ERC1: variants seen among roughly 807,000 people sequenced by gnomAD.
The protein encoded by ERC1 is ELKS/RAB6-interacting/CAST family member 1, also known as RAB6 interacting protein 2.
Under a neutral mutation model 132.0 loss-of-function variants are expected in ERC1, and 56 were observed. The observed-to-expected ratio is 0.42, with a 90% CI of 0.34 to 0.53. The LOEUF (loss-of-function observed/expected upper bound fraction) is 0.53. ERC1 is among the 20% of genes least tolerant of loss of function. The pLI is 0.03. For synonymous variants in ERC1, 478 were observed against 476.1 expected, an observed-to-expected ratio of 1.00 and a Z score of -0.05; for missense variants, 1,202 against 1,349.9, an observed-to-expected ratio of 0.89 and a Z score of 1.72.
At chr12:1,281,663 CA>C (rs1214514671) in intron 14 of ERC1, among the ~76,000 whole-genome samples, 1 of 152,052 alleles carries the variant, frequency 6.6e-6, no homozygotes, top group Non-Finnish European at 1.5e-5. Flanking sequence ...CTGAAATAAG[CA>C]AATCTTGGGA....
At chr12:1,192,668 AG>A (rs1955852660) in intron 12 of ERC1, among the ~76,000 whole-genome samples, 1 of 152,128 alleles carries the variant, frequency 6.6e-6, no homozygotes, top group Non-Finnish European at 1.5e-5. Flanking sequence ...CTGTACCATC[AG>A]GGGGTTTTGT....
intron 2 of ERC1, among the ~76,000 whole-genome samples, chr12:1,030,183 T>C (rs902957247): frequency 6.6e-6 from 1 of 152,216 alleles, no homozygotes; most frequent in African/African-American, 2.4e-5. Context: ...AAAGCTGTCT[T>C]ATACTCTTAA....
intron 1 of ERC1, among the ~76,000 whole-genome samples, chr12:1,024,109 G>A (rs926626873): frequency 6.6e-6 from 1 of 152,188 alleles, no homozygotes; most frequent in African/African-American, 2.4e-5. Flanking sequence ...AGCTGGGCAC[G>A]GTGGCTCACG....
At chr12:1,259,520 CTT>C (rs201786277) in intron 13 of ERC1, among the ~76,000 whole-genome samples, 1 of 113,906 alleles carries the variant, frequency 8.8e-6, no homozygotes. Context: ...TTCTTTCTTT[CTT>C]TTTTTTTTTT....
At chr12:1,372,062 G>A in intron 16 of ERC1, 85 bp downstream of exon 16, 1 of 1,478,330 alleles carries the variant, frequency 6.8e-7, no homozygotes, top group Non-Finnish European at 9.1e-7. Flanking sequence ...TGTACTTTAA[G>A]GTCTCATGTT....
Position 1,289,926 on chromosome 12 carries a change from C to G in ERC1, c.2694C>G (p.Thr898=). 1.2e-6 allele frequency: 2 copies of G among 1,613,926 alleles called. No individual in the cohort carries two copies. The highest frequency in any genetic ancestry group is 1.7e-6 in the Non-Finnish European group (2 of 1,179,814). The change falls in exon 15 of 19, where the codon ACC becomes ACG. Residue 898 remains threonine, a synonymous_variant. Transcript: ENST00000360905. ...LESMKAKLSS[T]QQSLAEKETH... is the part of the protein sequence containing the mutation. ...CCATGAAAGCAAAGCTGTCCTCCACCCAGCAGTCTCTGGCAGAAAAGGAAA... is the reference window on the plus strand; with the variant it reads ...CCATGAAAGCAAAGCTGTCCTCCACGCAGCAGTCTCTGGCAGAAAAGGAAA...
intron 13 of ERC1, among the ~76,000 whole-genome samples, chr12:1,255,587 TCCACAACC>T (rs1431600942): frequency 2.7e-5 from 4 of 148,444 alleles, no homozygotes. Flanking sequence ...TTCCTGTTTT[TCCACAACC>T]TCTTCAGCAT....
chr12:1,293,453 A>AAAAAACAAC (rs2079634740), intron 15 of ERC1, among the ~76,000 whole-genome samples: 1 of 101,356 alleles, frequency 9.9e-6, no homozygotes, highest in African/African-American at 3.8e-5. Context: ...ACTCCATCTC[A>AAAAAACAAC]AACAACAACA....
At chr12:1,474,118 G>A (rs1046475624) in intron 18 of ERC1, among the ~76,000 whole-genome samples, 6 of 152,200 alleles carry the variant, frequency 3.9e-5, no homozygotes, top group African/African-American at 1.4e-4. Context: ...GCCAGACCTG[G>A]CCAGGACGAG....
intron 17 of ERC1, among the ~76,000 whole-genome samples, chr12:1,410,615 G>T (rs1314507505): frequency 2.0e-5 from 3 of 146,926 alleles, no homozygotes; most frequent in Non-Finnish European, 3.0e-5. Flanking sequence ...TTGCTGTGCT[G>T]CTGACATAGT....
chr12:1,143,929 T>G (rs1950097017), intron 8 of ERC1, among the ~76,000 whole-genome samples: 1 of 152,204 alleles, frequency 6.6e-6, no homozygotes, highest in South Asian at 2.1e-4. Context: ...AGTTTTGTAC[T>G]TAGTCATCAT....
chr12:1,240,447 G>C (rs2075717868), intron 13 of ERC1, among the ~76,000 whole-genome samples: 1 of 152,154 alleles, frequency 6.6e-6, no homozygotes, highest in Non-Finnish European at 1.5e-5. Flanking sequence ...TGAGTCTTAA[G>C]ACAGATAAGA....
chr12:1,067,014 C>T lies in ERC1; in HGVS notation c.670-16150C>T, dbSNP rs528753408. On this transcript the variant is annotated intron_variant, in intron 2 of 18. Transcript: ENST00000360905. Reference sequence around the variant, plus strand: ...ATAGAGACGGGGTTTTGCCATGTTGCGCAGACTGGTCTCGAACTCTTGGGC... The same window carrying T: ...ATAGAGACGGGGTTTTGCCATGTTGTGCAGACTGGTCTCGAACTCTTGGGC... Among the ~76,000 whole-genome samples the T allele has an allele frequency of 6.9e-4, 105 of 152,138 alleles. 5 individuals carry two copies. The South Asian group carries it at 0.021, about 30-fold the overall frequency.
intron 12 of ERC1, among the ~76,000 whole-genome samples, chr12:1,198,991 T>C: frequency 7.7e-5 from 8 of 104,112 alleles, no homozygotes; most frequent in African/African-American, 3.7e-4. Flanking sequence ...ACCCAGTCAC[T>C]TCCCACCAGG....
chr12:1,179,640 T>C (rs1954166199), intron 8 of ERC1, among the ~76,000 whole-genome samples: 1 of 150,766 alleles, frequency 6.6e-6, no homozygotes, highest in Non-Finnish European at 1.5e-5. Flanking sequence ...CCCAAGTAGC[T>C]GGGACTACAG....
chr12:1,172,143 C>T (rs567116504), intron 8 of ERC1, among the ~76,000 whole-genome samples: 4 of 152,274 alleles, frequency 2.6e-5, no homozygotes, highest in South Asian at 4.1e-4. Context: ...TAAGGAATAA[C>T]GTCGTCTTTC....
At chr12:1,175,494 T>A (rs1862820385) in intron 8 of ERC1, among the ~76,000 whole-genome samples, 1 of 150,010 alleles carries the variant, frequency 6.7e-6, no homozygotes, top group Non-Finnish European at 1.5e-5. Flanking sequence ...CAAAAAACAC[T>A]CTTATTACTC....
At chr12:1,363,367 C>T (rs1344455668) in intron 15 of ERC1, among the ~76,000 whole-genome samples, 4 of 151,958 alleles carry the variant, frequency 2.6e-5, no homozygotes, top group Non-Finnish European at 4.4e-5. Flanking sequence ...AAAAACTGAA[C>T]GCAAGTTTTC....
intron 14 of ERC1, among the ~76,000 whole-genome samples, chr12:1,267,748 T>C (rs983309150): frequency 3.9e-5 from 6 of 152,112 alleles, no homozygotes; most frequent in African/African-American, 1.4e-4. Flanking sequence ...GGCAACAGAG[T>C]GAGACCCTGT....
Sources: allele counts gnomAD v4.1 joint callset (sites outside exome capture counted in the v4.1 genomes callset), GRCh38; gene constraint gnomAD v4.1.1; transcripts MANE v1.5; gene names NCBI Gene and HGNC (gene_info 2026-07-23, HGNC 2026-07-21).